The following INO80D variants were observed in gnomAD, a reference collection of about 807,000 sequenced individuals.
The protein encoded by INO80D is INO80 complex subunit D.
INO80D carries 21 observed loss-of-function variants against 87.6 expected under a neutral mutation model. The ratio of observed to expected loss-of-function variants is 0.24; its 90% CI spans 0.17 to 0.35. The LOEUF (loss-of-function observed/expected upper bound fraction) is 0.35. Among genes scored for constraint, INO80D ranks in the 10% least tolerant of loss-of-function variants. The pLI is 1.00. For synonymous variants in INO80D, 440 were observed against 491.0 expected, an observed-to-expected ratio of 0.90 and a Z score of 1.37; for missense variants, 982 against 1,280.7, an observed-to-expected ratio of 0.77 and a Z score of 3.56.
In INO80D at chr2:206,022,209, CA is replaced by C. The variant is rs1221979334; in HGVS notation, c.1299-2365del. 2.7e-5 allele frequency among the ~76,000 whole-genome samples: 4 copies of C among 150,518 alleles called. 1 individual carries two copies. Among genetic ancestry groups the C allele is most frequent in the African/African-American group, 9.7e-5 (4 of 41,072 alleles). ...TGAAACCCCGTCTCTACTAAAAATACAAAAAAAATTAGCTGGGCATGGTGGC... is the reference window on the plus strand; with the variant it reads ...TGAAACCCCGTCTCTACTAAAAATACAAAAAAATTAGCTGGGCATGGTGGC... On this transcript the variant is annotated intron_variant, in intron 6 of 10. Transcript: ENST00000403263.
At chr2:206,080,758 T>A (rs1285519195) in intron 1 of INO80D, among the ~76,000 whole-genome samples, 2 of 151,076 alleles carry the variant, frequency 1.3e-5, no homozygotes, top group Non-Finnish European at 3.0e-5. Flanking sequence ...ATAGAAAAAA[T>A]TAGCCGGGTG....
At chr2:206,054,333 A>C (rs1404479053) in intron 4 of INO80D, among the ~76,000 whole-genome samples, 2 of 151,540 alleles carry the variant, frequency 1.3e-5, no homozygotes, top group East Asian at 3.9e-4. Flanking sequence ...GCTACATAAT[A>C]TTTCATAAAA....
chr2:206,046,940 C>A (rs780874652), intron 4 of INO80D, among the ~76,000 whole-genome samples: 1 of 152,074 alleles, frequency 6.6e-6, no homozygotes, highest in Non-Finnish European at 1.5e-5. Context: ...GCCACCACAC[C>A]CAGCTAATTT....
In INO80D at chr2:205,993,798, C is replaced by CA. The variant is rs1420117414; in HGVS notation, c.*10569dup. 2.6e-5 allele frequency: 4 copies of CA among 152,094 alleles called. No homozygotes were observed. The highest frequency in any genetic ancestry group is 5.9e-5 in the Non-Finnish European group (4 of 67,994). The allele number at this position is 152,094 out of a possible 1,614,324, so 9.4% of individuals were successfully genotyped here. On this transcript the variant is annotated 3_prime_UTR_variant, in exon 11 of 11. Transcript: ENST00000403263. ...TTTGTCACACTATATACAGATAATA[C>CA]ATACAGTGTTTCATACACATATTAC... is the stretch of plus-strand genomic sequence containing the variant.
chr2:206,061,991 G>A (rs1009931194), intron 3 of INO80D, among the ~76,000 whole-genome samples: 6 of 152,134 alleles, frequency 3.9e-5, no homozygotes, highest in Non-Finnish European at 8.8e-5. Flanking sequence ...AGAAAAAGAA[G>A]CACAGAGAAG....
chr2:206,055,921 A>G (rs1338621479), intron 4 of INO80D, among the ~76,000 whole-genome samples: 3 of 152,234 alleles, frequency 2.0e-5, no homozygotes, highest in Non-Finnish European at 4.4e-5. Flanking sequence ...TACATAGGTT[A>G]TGTGCAAATA....
At chr2:206,079,109 G>A (rs181604040) in intron 1 of INO80D, among the ~76,000 whole-genome samples, 1 of 150,706 alleles carries the variant, frequency 6.6e-6, no homozygotes, top group East Asian at 2.0e-4. Context: ...TTCTCCCTTT[G>A]CCACCCAGGC....
chr2:206,062,289 A>T lies in INO80D; in HGVS notation c.218+510T>A, dbSNP rs1210547981. On this transcript the variant is annotated intron_variant, in intron 3 of 10. Coordinates refer to ENST00000403263, the MANE Select transcript of INO80D (RefSeq NM_017759.5). The surrounding 1 kb of genome is among the most constrained non-coding windows in gnomAD (Gnocchi z 4.6). ...ATCTAACTGATTCAAGTAGTTTTTT[A>T]AAATTTTCTTCAGTAAGTATATATC... is the stretch of plus-strand genomic sequence containing the variant. 2.6e-5 allele frequency among the ~76,000 whole-genome samples: 4 copies of T among 152,196 alleles called. No homozygotes were observed. Among genetic ancestry groups the T allele is most frequent in the Non-Finnish European group, 5.9e-5 (4 of 68,022 alleles).
chr2:206,012,649 C>G (rs1202266781), intron 8 of INO80D, among the ~76,000 whole-genome samples: 3 of 151,890 alleles, frequency 2.0e-5, no homozygotes, highest in Non-Finnish European at 4.4e-5. Flanking sequence ...GGGCAGATTA[C>G]TTGAGGTCAG....
rs951848063 is a variant in INO80D, at chr2:205,996,685, T to C, written c.*7683A>G. The C allele has an allele frequency of 3.9e-5, 6 of 152,094 alleles. No homozygotes were observed. Among genetic ancestry groups the C allele is most frequent in the African/African-American group, 7.2e-5 (3 of 41,440 alleles). The allele number at this position is 152,094 out of a possible 1,614,324, so 9.4% of individuals were successfully genotyped here. On this transcript the variant is annotated 3_prime_UTR_variant, in exon 11 of 11. Transcript: ENST00000403263. Reference sequence around the variant, plus strand: ...ATTTATACAAATGTATAAATAAACATAATACTTTTCAATCTTTCCATTGAC... The same window carrying C: ...ATTTATACAAATGTATAAATAAACACAATACTTTTCAATCTTTCCATTGAC...
chr2:206,082,454 G>C (rs909633797), intron 1 of INO80D, among the ~76,000 whole-genome samples: 5 of 152,240 alleles, frequency 3.3e-5, no homozygotes, highest in Admixed American at 1.3e-4. Flanking sequence ...TCTCAAACTA[G>C]CCAGGAGCAT....
intron 1 of INO80D, among the ~76,000 whole-genome samples, chr2:206,065,318 A>AT (rs1689785694): frequency 6.6e-6 from 1 of 152,064 alleles, no homozygotes; most frequent in Admixed American, 6.6e-5. Flanking sequence ...AAAAATACAA[A>AT]AATCAGCTAG....
rs1687792801 is a variant in INO80D, at chr2:205,995,513, C to T, written c.*8855G>A. ...ATGTAAAAGATTGCCATTTAAAACT[C>T]ATACATATACATGTGTATATACAGT... On this transcript the variant is annotated 3_prime_UTR_variant, in exon 11 of 11. Coordinates refer to ENST00000403263, the MANE Select transcript of INO80D (RefSeq NM_017759.5). The T allele has an allele frequency of 2.0e-5, 3 of 152,162 alleles. No individual in the cohort carries two copies. Among genetic ancestry groups the T allele is most frequent in the African/African-American group, 7.2e-5 (3 of 41,452 alleles). 9.4% of individuals were successfully genotyped at this position (152,162 alleles called of 1,614,324 possible).
At chr2:206,032,569 A>G (rs1688796878) in intron 5 of INO80D, among the ~76,000 whole-genome samples, 1 of 152,256 alleles carries the variant, frequency 6.6e-6, no homozygotes, top group African/African-American at 2.4e-5. Flanking sequence ...GCTGTGAGAC[A>G]GAAGCACCAG....
intron 5 of INO80D, among the ~76,000 whole-genome samples, chr2:206,038,086 C>T (rs1198535243): frequency 6.6e-6 from 1 of 152,094 alleles, no homozygotes; most frequent in Non-Finnish European, 1.5e-5. Flanking sequence ...AGAAGGGTGA[C>T]GGGGTGGAAG....
chr2:206,032,770 T>G (rs1688801102), intron 5 of INO80D, among the ~76,000 whole-genome samples: 1 of 152,158 alleles, frequency 6.6e-6, no homozygotes, highest in Admixed American at 6.5e-5. Context: ...AAACAAATGC[T>G]GAGAGAATTC....
rs747520040 is a variant in INO80D at position 206,019,722 on chromosome 2, A to G, written c.1408+14T>C. On this transcript the variant is annotated intron_variant, in intron 7 of 10. Coordinates refer to ENST00000403263, the MANE Select transcript of INO80D (RefSeq NM_017759.5). ...TACTTTTTCAATGCACATTCCATTT[A>G]GTTGAAAGGATACGTTGGAAACAAT... 1.3e-6 allele frequency: 2 copies of G among 1,596,968 alleles called. No homozygotes were observed. Among genetic ancestry groups the G allele is most frequent in the East Asian group, 2.2e-5 (1 of 44,756 alleles).
chr2:206,013,155 A>G (rs1169784705), intron 8 of INO80D, among the ~76,000 whole-genome samples: 3 of 152,186 alleles, frequency 2.0e-5, no homozygotes, highest in Non-Finnish European at 4.4e-5. Context: ...ACATTATACT[A>G]ATTCAGTCTT....
intron 4 of INO80D, among the ~76,000 whole-genome samples, chr2:206,052,498 C>A (rs1203062937): frequency 6.6e-6 from 1 of 151,998 alleles, no homozygotes; most frequent in Non-Finnish European, 1.5e-5. Flanking sequence ...CAGCCTTCAT[C>A]ATCATTTTTA....
Sources: allele counts gnomAD v4.1 joint callset (sites outside exome capture counted in the v4.1 genomes callset), GRCh38; gene constraint gnomAD v4.1.1; non-coding constraint Gnocchi (gnomAD v3.1); transcripts MANE v1.5; gene names NCBI Gene and HGNC (gene_info 2026-07-23, HGNC 2026-07-21).